The following TOM1 variants were observed in gnomAD, a reference collection of about 807,000 sequenced individuals.
TOM1 encodes the protein target of myb1 membrane trafficking protein.
TOM1 carries 38 observed loss-of-function variants against 61.3 expected under a neutral mutation model. The ratio of observed to expected loss-of-function variants is 0.62; its 90% CI spans 0.48 to 0.81. The LOEUF (loss-of-function observed/expected upper bound fraction) is 0.81. Ranked by LOEUF, TOM1 falls within the 40% of genes least tolerant of loss-of-function variation. The probability of loss-of-function intolerance (pLI) is 0.00; values close to 1 mark genes in which losing one functional copy is unlikely to be tolerated. For missense variants in TOM1, 591 were observed against 659.6 expected (o/e 0.90, Z 1.14); for synonymous variants, 270 against 268.8 (o/e 1.00, Z -0.04).
At chr22:35,326,256 A>G (rs8141467) in intron 6 of TOM1, among the ~76,000 whole-genome samples, 1 of 152,228 alleles carries the variant, frequency 6.6e-6, no homozygotes. Flanking sequence ...TTCTCAAAAC[A>G]TAAAAAGGTT....
chr22:35,317,470 G>C (rs554715100), intron 1 of TOM1, among the ~76,000 whole-genome samples: 25 of 152,182 alleles, frequency 1.6e-4, no homozygotes, highest in African/African-American at 6.0e-4. Context: ...TTACAGGCGT[G>C]AGCCACCGCG....
At position 35,322,006 on chromosome 22, in the gene TOM1, A is replaced by C; in HGVS notation, c.185A>C (p.Lys62Thr). Residue 62 changes from lysine (K) to threonine (T), a missense_variant, in exon 3 of 15, where the codon AAG (lysine) becomes ACG (threonine). Coordinates refer to ENST00000449058, the MANE Select transcript of TOM1 (RefSeq NM_005488.3). Reference sequence around the variant, plus strand: ...GTAAAGAAGAGAATCGTGGGGAATAAGAACTTCCACGAGGTGATGCTGGCT... The same window carrying C: ...GTAAAGAAGAGAATCGTGGGGAATACGAACTTCCACGAGGTGATGCTGGCT... The part of the protein sequence containing the change: ...RAVKKRIVGN[K>T]NFHEVMLALT... The C allele has an allele frequency of 6.2e-7, 1 of 1,614,180 alleles. No individual in the cohort carries two copies. The highest frequency in any genetic ancestry group is 1.1e-5 in the South Asian group (1 of 91,076).
rs1309965189 is a variant in TOM1, at chr22:35,332,985, G to C, written c.904G>C (p.Glu302Gln). ...NNVFLRHERF[E>Q]RFRTGQTTKA... ...CGTGTCTTTTCTGTCTTGTAGGTTT[G>C]AACGGTTCCGAACAGGCCAGACCAC... Residue 302 changes from glutamate (E) to glutamine (Q), a missense_variant, in exon 9 of 15, where the codon GAA (glutamate) becomes CAA (glutamine). Transcript: ENST00000449058. 2.5e-6 allele frequency: 4 copies of C among 1,614,064 alleles called. No individual in the cohort carries two copies. In the East Asian group the frequency reaches 6.7e-5, roughly 27 times the overall value.
At chr22:35,307,099 G>A (rs969768699) in intron 1 of TOM1, among the ~76,000 whole-genome samples, 1 of 151,954 alleles carries the variant, frequency 6.6e-6, no homozygotes, top group Non-Finnish European at 1.5e-5. Context: ...TGAGAAGCAG[G>A]GGGATTCAGG....
chr22:35,324,011 C>A, intron 6 of TOM1, 97 bp downstream of exon 6: 1 of 1,422,382 alleles, frequency 7.0e-7, no homozygotes, highest in East Asian at 2.4e-5. Flanking sequence ...ACGGAGCCTC[C>A]ACTTCTTCCT....
chr22:35,329,634 G>A (rs1220324897), intron 7 of TOM1, among the ~76,000 whole-genome samples: 6 of 152,328 alleles, frequency 3.9e-5, no homozygotes, highest in Non-Finnish European at 7.3e-5. Flanking sequence ...GCTAATGGTT[G>A]CAGTCATCTA....
chr22:35,338,660 G>T, intron 11 of TOM1, 53 bp from the exon 12 acceptor site: 1 of 1,446,768 alleles, frequency 6.9e-7, no homozygotes, highest in Non-Finnish European at 9.2e-7. Context: ...CTCCGTTCTT[G>T]CATCAGCCAT....
chr22:35,304,071 G>T (rs928563380), intron 1 of TOM1, among the ~76,000 whole-genome samples: 1 of 152,154 alleles, frequency 6.6e-6, no homozygotes, highest in African/African-American at 2.4e-5. Flanking sequence ...GACCCTGTGC[G>T]GTTTTGCTAT....
chr22:35,318,047 C>A, intron 2 of TOM1, 86 bp downstream of exon 2: 1 of 1,225,462 alleles, frequency 8.2e-7, no homozygotes, highest in Non-Finnish European at 1.2e-6. Flanking sequence ...GGAGCCCCTG[C>A]CCCAGCCCCA....
chr22:35,335,095 C>T (rs992342174), intron 11 of TOM1, among the ~76,000 whole-genome samples: 1 of 152,146 alleles, frequency 6.6e-6, no homozygotes, highest in African/African-American at 2.4e-5. Flanking sequence ...GGTCTGACCC[C>T]TTGCCGGGAC....
chr22:35,299,869 G>C, upstream of TOM1: 1 of 1,550,036 alleles, frequency 6.5e-7, no homozygotes, highest in Non-Finnish European at 8.7e-7. Context: ...TGACGGGTCG[G>C]TGGCGCTGGC....
chr22:35,311,594 G>GC (rs532046220), intron 1 of TOM1, among the ~76,000 whole-genome samples: 5 of 152,306 alleles, frequency 3.3e-5, no homozygotes, highest in East Asian at 1.9e-4. Flanking sequence ...AGTATGTAAT[G>GC]CCCCCCTCTG....
At chr22:35,324,138 T>C (rs931112983) in intron 6 of TOM1, among the ~76,000 whole-genome samples, 9 of 152,214 alleles carry the variant, frequency 5.9e-5, no homozygotes, top group Non-Finnish European at 1.0e-4. Flanking sequence ...CAAGCTCACG[T>C]CTGTCTGACT....
chr22:35,310,959 G>A (rs116159305), intron 1 of TOM1: 3,962 of 152,436 alleles, frequency 0.026, 172 homozygotes, highest in African/African-American at 0.09. Context: ...CTGGCGGGGT[G>A]GGGGGTGTCA....
chr22:35,342,825 A>G (rs1448306993), intron 12 of TOM1, among the ~76,000 whole-genome samples: 1 of 141,850 alleles, frequency 7.0e-6, no homozygotes, highest in Non-Finnish European at 1.5e-5. Flanking sequence ...ACCTACACAG[A>G]CACCCCTACA....
chr22:35,328,995 A>T (rs1928582452), intron 7 of TOM1, among the ~76,000 whole-genome samples: 1 of 152,152 alleles, frequency 6.6e-6, no homozygotes, highest in African/African-American at 2.4e-5. Context: ...TTGCTCTGTC[A>T]CCCAGGCTGG....
Position 35,347,074 on chromosome 22 carries a change from A to G in TOM1, c.1344A>G (p.Glu448=). Residue 448 remains glutamate, a synonymous_variant, in exon 15 of 15, where the codon GAA becomes GAG. Transcript: ENST00000449058. ...CTCTAGAATTTGACAAATTCCTGGA[A>G]GAACGGGCCAAAGCCGCGGACCGAT... ...VTSEEFDKFL[E]ERAKAADRLP... 6.2e-7 allele frequency: 1 copy of G among 1,612,838 alleles called. No individual in the cohort carries two copies. The highest frequency in any genetic ancestry group is 8.5e-7 in the Non-Finnish European group (1 of 1,179,310).
rs767143772 is a variant in TOM1, at chr22:35,347,406, G to A, written c.*197G>A. The stretch of plus-strand genomic sequence containing the variant: ...GGGATGAACTGGGGGACAGGTCTGC[G>A]CTGCAGTGGGATCTGGCTGCTCTGC... On this transcript the variant is annotated 3_prime_UTR_variant, in exon 15 of 15. Coordinates refer to ENST00000449058, the MANE Select transcript of TOM1 (RefSeq NM_005488.3). 13 of 531,902 alleles carry A rather than the reference G, an allele frequency of 2.4e-5. No individual in the cohort carries two copies. The highest frequency in any genetic ancestry group is 3.9e-5 in the Non-Finnish European group (12 of 308,142). 32.9% of individuals were successfully genotyped at this position (531,902 alleles called of 1,614,324 possible).
intron 7 of TOM1, among the ~76,000 whole-genome samples, chr22:35,328,425 G>A (rs1240842167): frequency 2.0e-5 from 3 of 152,272 alleles, no homozygotes; most frequent in Non-Finnish European, 2.9e-5. Flanking sequence ...GGTTCACATC[G>A]CTCACGTAAT....
Sources: allele counts gnomAD v4.1 joint callset (sites outside exome capture counted in the v4.1 genomes callset), GRCh38; gene constraint gnomAD v4.1.1; transcripts MANE v1.5; gene names NCBI Gene and HGNC (gene_info 2026-07-23, HGNC 2026-07-21).